SMCO4: variants seen among roughly 807,000 people sequenced by gnomAD.
SMCO4 encodes the protein single-pass membrane protein with coiled-coil domains 4.
Under a neutral mutation model 3.6 loss-of-function variants are expected in SMCO4, and 4 were observed. The observed-to-expected ratio is 1.11, with a 90% CI of 0.54 to 2.53. The LOEUF is 2.53. Among genes scored for constraint, SMCO4 ranks in the 30% most tolerant of loss-of-function variants. The pLI, the probability that SMCO4 is intolerant of heterozygous loss-of-function variation, is 0.02. For synonymous variants in SMCO4, 36 were observed against 35.3 expected, an observed-to-expected ratio of 1.02 and a Z score of -0.07; for missense variants, 70 against 80.8, an observed-to-expected ratio of 0.87 and a Z score of 0.51.
At chr11:93,480,081 T>C (rs920304483) in intron 2 of SMCO4, among the ~76,000 whole-genome samples, 1 of 152,212 alleles carries the variant, frequency 6.6e-6, no homozygotes, top group African/African-American at 2.4e-5. Flanking sequence ...TTTGGATAAC[T>C]ACAGAGGAAC....
chr11:93,539,394 G>A (rs1455140478), intron 1 of SMCO4, among the ~76,000 whole-genome samples: 1 of 152,182 alleles, frequency 6.6e-6, no homozygotes, highest in African/African-American at 2.4e-5. Context: ...GAAGGAACAG[G>A]AAGAGAAGGA....
At chr11:93,497,952 G>A (rs1948794237) in intron 2 of SMCO4, among the ~76,000 whole-genome samples, 1 of 152,152 alleles carries the variant, frequency 6.6e-6, no homozygotes. Context: ...ACTGTCAGTT[G>A]ATTATTTATT....
intron 1 of SMCO4, among the ~76,000 whole-genome samples, chr11:93,501,855 G>C (rs1273338266): frequency 6.6e-6 from 1 of 152,006 alleles, no homozygotes; most frequent in African/African-American, 2.4e-5. Context: ...CAGCCACCCT[G>C]TTTCTAAATA....
rs755522959 is a variant in SMCO4 at position 93,509,205 on chromosome 11, C to T, written c.-153-9857G>A. Among the ~76,000 whole-genome samples the T allele has an allele frequency of 5.9e-5, 9 of 151,650 alleles. 1 individual carries two copies. Among genetic ancestry groups the T allele is most frequent in the African/African-American group, 9.7e-5 (4 of 41,252 alleles). ...ACTCGGGAGGCCAAAGCAGGAGGAT[C>T]GCTTGCACCCAGAAGCTCAAGGCTG... is the stretch of plus-strand genomic sequence containing the variant. On this transcript the variant is annotated intron_variant, in intron 1 of 2. Transcript: ENST00000298966.
intron 1 of SMCO4, among the ~76,000 whole-genome samples, chr11:93,520,386 C>A (rs1033386061): frequency 2.6e-5 from 4 of 152,142 alleles, no homozygotes; most frequent in African/African-American, 7.2e-5. Flanking sequence ...CCCGTTTAAT[C>A]CTCTCAACAA....
chr11:93,511,521 T>A (rs1040908610), intron 1 of SMCO4, among the ~76,000 whole-genome samples: 1 of 152,208 alleles, frequency 6.6e-6, no homozygotes. Flanking sequence ...GGTACTCTGG[T>A]TTCCTCTTAC....
At chr11:93,498,657 A>C (rs1368238511) in intron 2 of SMCO4, among the ~76,000 whole-genome samples, 1 of 152,242 alleles carries the variant, frequency 6.6e-6, no homozygotes, top group Non-Finnish European at 1.5e-5. Context: ...CATTTCACCA[A>C]TAGCCAAAGG....
intron 2 of SMCO4, among the ~76,000 whole-genome samples, chr11:93,497,765 T>A (rs769890671): frequency 6.6e-6 from 1 of 152,218 alleles, no homozygotes; most frequent in Non-Finnish European, 1.5e-5. Context: ...TGCCTCTGCC[T>A]GCTTCCCAGG....
chr11:93,528,525 A>G (rs1949132832), intron 1 of SMCO4, among the ~76,000 whole-genome samples: 1 of 152,200 alleles, frequency 6.6e-6, no homozygotes, highest in Non-Finnish European at 1.5e-5. Flanking sequence ...ACCAGGGCTG[A>G]AGCATGTTGA....
At chr11:93,547,221 C>G (rs980524726), upstream of SMCO4, among the ~76,000 whole-genome samples, 1 of 152,156 alleles carries the variant, frequency 6.6e-6, no homozygotes, top group Non-Finnish European at 1.5e-5. Flanking sequence ...TTGCATCACT[C>G]CACTCAAGAT....
chr11:93,543,738 C>G (rs933532998), upstream of SMCO4, among the ~76,000 whole-genome samples: 1 of 152,250 alleles, frequency 6.6e-6, no homozygotes, highest in African/African-American at 2.4e-5. Context: ...AGGCAAACGC[C>G]ATGTCTGTTG....
At chr11:93,538,725 A>T (rs565231400) in intron 1 of SMCO4, among the ~76,000 whole-genome samples, 2 of 152,282 alleles carry the variant, frequency 1.3e-5, no homozygotes, top group Admixed American at 1.3e-4. Flanking sequence ...GGATGATGCA[A>T]TTCTAGTATC....
chr11:93,537,780 T>C (rs1273543575), intron 1 of SMCO4: 1 of 151,446 alleles, frequency 6.6e-6, no homozygotes, highest in Non-Finnish European at 1.5e-5. Context: ...AGGTTCCCTC[T>C]TTGAGGGAAA....
Position 93,526,095 on chromosome 11 carries a change from G to C in SMCO4, c.-154+17181C>G, listed in dbSNP as rs190157170. On this transcript the variant is annotated intron_variant, in intron 1 of 2. Coordinates refer to ENST00000298966, the MANE Select transcript of SMCO4 (RefSeq NM_020179.3). The stretch of plus-strand genomic sequence containing the variant: ...ATCCCTAACACTCATATTGGTTTGA[G>C]TATACATATCTTCCCATAAAACAAG... Among the ~76,000 whole-genome samples the C allele has an allele frequency of 1.6e-3, 251 of 152,216 alleles. 1 individual carries two copies. The highest frequency in any genetic ancestry group is 4.1e-3 in the Admixed American group (62 of 15,292).
chr11:93,478,955 T>C lies in SMCO4; in HGVS notation c.*55A>G, dbSNP rs1194891271. 6.5e-7 allele frequency: 1 copy of C among 1,549,258 alleles called. No individual in the cohort carries two copies. Among genetic ancestry groups the C allele is most frequent in the Non-Finnish European group, 8.7e-7 (1 of 1,149,382 alleles). On this transcript the variant is annotated 3_prime_UTR_variant, in exon 3 of 3. Coordinates refer to ENST00000298966, the MANE Select transcript of SMCO4 (RefSeq NM_020179.3). ...ATATGAAAGCCATTTTTTGTTTGCG[T>C]CCCCCTCCCGCGCCTCCTCTCCCTG...
At chr11:93,530,181 G>T (rs2134630207) in intron 1 of SMCO4, among the ~76,000 whole-genome samples, 1 of 152,338 alleles carries the variant, frequency 6.6e-6, no homozygotes, top group Admixed American at 6.5e-5. Context: ...TGAATGGCAG[G>T]CATGGCGTTC....
At chr11:93,510,222 C>T (rs983103554) in intron 1 of SMCO4, among the ~76,000 whole-genome samples, 6 of 152,214 alleles carry the variant, frequency 3.9e-5, no homozygotes, top group African/African-American at 1.4e-4. Flanking sequence ...CTAGTTATGA[C>T]CGCAGGGCCA....
chr11:93,541,423 G>C (rs1949269964), intron 1 of SMCO4, among the ~76,000 whole-genome samples: 1 of 152,164 alleles, frequency 6.6e-6, no homozygotes, highest in Non-Finnish European at 1.5e-5. Context: ...AGCCAGAATG[G>C]AAAAGATGGC....
intron 1 of SMCO4, among the ~76,000 whole-genome samples, chr11:93,538,732 T>C (rs532561933): frequency 3.3e-5 from 5 of 152,318 alleles, no homozygotes; most frequent in African/African-American, 4.8e-5. Context: ...GCAATTCTAG[T>C]ATCCAAAGGC....
Sources: allele counts gnomAD v4.1 joint callset (sites outside exome capture counted in the v4.1 genomes callset), GRCh38; gene constraint gnomAD v4.1.1; transcripts MANE v1.5; gene names NCBI Gene and HGNC (gene_info 2026-07-23, HGNC 2026-07-21).